The following EXTL3 variants were observed in gnomAD, a reference collection of about 807,000 sequenced individuals.
EXTL3 encodes exostosin-like 3.
EXTL3 carries 27 observed loss-of-function variants against 69.3 expected under a neutral mutation model. The ratio of observed to expected loss-of-function variants is 0.39; its 90% CI spans 0.29 to 0.54. The LOEUF is 0.54. Ranked by LOEUF, EXTL3 falls within the 20% of genes least tolerant of loss-of-function variation. EXTL3 has a pLI of 0.69. For missense variants in EXTL3, 1,003 were observed against 1,231.8 expected, an observed-to-expected ratio of 0.81 and a Z score of 2.78; for synonymous variants, 511 against 499.4, an observed-to-expected ratio of 1.02 and a Z score of -0.31.
intron 1 of EXTL3, among the ~76,000 whole-genome samples, chr8:28,636,090 G>A (rs1319478572): frequency 6.6e-5 from 10 of 152,182 alleles, no homozygotes; most frequent in African/African-American, 2.4e-4. Context: ...TCACACTTTG[G>A]GAGGCTGAGG....
chr8:28,670,375 G>A (rs1307475926), intron 1 of EXTL3, among the ~76,000 whole-genome samples: 1 of 152,132 alleles, frequency 6.6e-6, no homozygotes, highest in East Asian at 1.9e-4. Flanking sequence ...AACAGAGTAT[G>A]TGAGTGTATA....
At position 28,751,545 on chromosome 8, in the gene EXTL3, C is replaced by G. The variant is rs1802004262; in HGVS notation, c.*679C>G. 6.6e-6 allele frequency: 1 copy of G among 152,340 alleles called. No individual in the cohort carries two copies. The highest frequency in any genetic ancestry group is 6.5e-5 in the Admixed American group (1 of 15,292). 9.4% of individuals were successfully genotyped at this position (152,340 alleles called of 1,614,324 possible). ...TTGCCAGTCAGCAACCTGTAACTCA[C>G]ATTCTCTTCCCAGTGAATCCCTGGG... On this transcript the variant is annotated 3_prime_UTR_variant, in exon 7 of 7. Coordinates refer to ENST00000220562, the MANE Select transcript of EXTL3 (RefSeq NM_001440.4).
intron 1 of EXTL3, among the ~76,000 whole-genome samples, chr8:28,644,041 G>A (rs1351576773): frequency 6.6e-6 from 1 of 152,088 alleles, no homozygotes; most frequent in Non-Finnish European, 1.5e-5. Flanking sequence ...TGGGATTATG[G>A]GCATGAGTCA....
intron 1 of EXTL3, among the ~76,000 whole-genome samples, chr8:28,707,237 C>T (rs1172346659): frequency 2.0e-5 from 3 of 152,148 alleles, no homozygotes; most frequent in African/African-American, 4.8e-5. Context: ...GGTAGATAAG[C>T]AAGAAGCAGT....
intron 1 of EXTL3, among the ~76,000 whole-genome samples, chr8:28,670,867 T>A (rs2130640984): frequency 6.6e-6 from 1 of 152,252 alleles, no homozygotes; most frequent in Middle Eastern, 3.4e-3. Flanking sequence ...CTCCTCAATA[T>A]CATTTTGGTA....
In EXTL3 at chr8:28,683,098, T is replaced by C. The variant is rs193111251; in HGVS notation, c.-52-30359T>C. 2.0e-5 allele frequency among the ~76,000 whole-genome samples: 3 copies of C among 152,344 alleles called. No individual in the cohort carries two copies. In the East Asian group the frequency reaches 5.8e-4, roughly 29 times the overall value. ...TGTGTGGATTTATTTCTGGGCTCTC[T>C]ATTCTGTTCCATTGGTCTATGTGTC... On this transcript the variant is annotated intron_variant, in intron 1 of 6. Coordinates refer to the EXTL3 transcript ENST00000523149.
At chr8:28,650,945 G>A (rs150568405) in intron 1 of EXTL3, among the ~76,000 whole-genome samples, 1 of 152,128 alleles carries the variant, frequency 6.6e-6, no homozygotes, top group African/African-American at 2.4e-5. Context: ...AGCTTATCTA[G>A]TACAGGTTGA....
intron 1 of EXTL3, among the ~76,000 whole-genome samples, chr8:28,686,738 C>T (rs1228479340): frequency 6.6e-6 from 1 of 151,906 alleles, no homozygotes; most frequent in African/African-American, 2.4e-5. Flanking sequence ...CAAGATAGAC[C>T]AAGTAGGTAG....
At chr8:28,749,863 T>A (rs1013517848) in intron 6 of EXTL3, among the ~76,000 whole-genome samples, 1 of 152,142 alleles carries the variant, frequency 6.6e-6, no homozygotes, top group East Asian at 1.9e-4. Context: ...GCAGCTAATA[T>A]TTTTATCTCT....
chr8:28,700,132 C>T (rs1407958136), upstream of EXTL3: 1 of 152,182 alleles, frequency 6.6e-6, no homozygotes, highest in African/African-American at 2.4e-5. Flanking sequence ...TAAACTTTGC[C>T]TCCTCCTGTC....
chr8:28,671,992 C>T (rs960404221), intron 1 of EXTL3, among the ~76,000 whole-genome samples: 1 of 152,216 alleles, frequency 6.6e-6, no homozygotes, highest in Non-Finnish European at 1.5e-5. Context: ...AAAACAAAAA[C>T]TTATGTTCCT....
intron 1 of EXTL3, among the ~76,000 whole-genome samples, chr8:28,647,346 C>T (rs1374569922): frequency 6.6e-6 from 1 of 152,132 alleles, no homozygotes; most frequent in East Asian, 1.9e-4. Context: ...CTCAGGTGAT[C>T]CACCTGCCTC....
chr8:28,679,986 G>A (rs1216358755), intron 1 of EXTL3, among the ~76,000 whole-genome samples: 3 of 151,232 alleles, frequency 2.0e-5, no homozygotes, highest in Non-Finnish European at 1.5e-5. Flanking sequence ...ATTTACAGCA[G>A]CTTAAACCAA....
intron 1 of EXTL3, among the ~76,000 whole-genome samples, chr8:28,650,573 G>T (rs1271241571): frequency 6.6e-6 from 1 of 152,012 alleles, no homozygotes; most frequent in Non-Finnish European, 1.5e-5. Context: ...GGGCCAGGCT[G>T]GTCCCAAACT....
At chr8:28,725,611 A>G (rs1801395929) in intron 3 of EXTL3, among the ~76,000 whole-genome samples, 2 of 152,202 alleles carry the variant, frequency 1.3e-5, no homozygotes, top group South Asian at 4.1e-4. Flanking sequence ...CATTTGTTGA[A>G]CATCTGCTAT....
At chr8:28,718,501 A>G (rs1163134062) in intron 3 of EXTL3, among the ~76,000 whole-genome samples, 3 of 152,220 alleles carry the variant, frequency 2.0e-5, no homozygotes, top group African/African-American at 7.2e-5. Context: ...CTTCCATGTC[A>G]TAACAAGATG....
rs373547841 is a variant in EXTL3 at position 28,736,192 on chromosome 8, T to TA, written c.2277-1320dup. The stretch of plus-strand genomic sequence containing the variant: ...CACAATTTAAAAAAAATCAGTTGTC[T>TA]AAAAAAACCCACCTAGAAGGCTGTT... On this transcript the variant is annotated intron_variant, in intron 4 of 6. Coordinates refer to ENST00000220562, the MANE Select transcript of EXTL3 (RefSeq NM_001440.4). Among the ~76,000 whole-genome samples, 252 of 152,290 alleles carry TA rather than the reference T, an allele frequency of 1.7e-3. 3 individuals carry two copies. Among genetic ancestry groups the TA allele is most frequent in the Non-Finnish European group, 3.0e-3 (207 of 68,010 alleles).
Position 28,716,966 on chromosome 8 carries a change from T to A in EXTL3, c.907T>A (p.Phe303Ile). 6.2e-7 allele frequency: 1 copy of A among 1,614,228 alleles called. No homozygotes were observed. The highest frequency in any genetic ancestry group is 2.2e-5 in the East Asian group (1 of 44,888). The change falls in exon 3 of 7, where the codon TTC becomes ATC. Residue 303 changes from phenylalanine to isoleucine, a missense_variant. Transcript: ENST00000220562. The surrounding 1 kb of genome is among the most constrained non-coding windows in gnomAD (Gnocchi z 7.1). ...CCGTGCCATGGTGGCCCAGTCCACC[T>A]TCTACACTGTCCAGTACAGACCTGG... ...TGRAMVAQST[F>I]YTVQYRPGFD...
At chr8:28,664,761 C>G (rs1807167990) in intron 1 of EXTL3, among the ~76,000 whole-genome samples, 5 of 151,994 alleles carry the variant, frequency 3.3e-5, no homozygotes, top group Admixed American at 1.3e-4. Flanking sequence ...TATACATCTC[C>G]CCCCGGAAGC....
Sources: allele counts gnomAD v4.1 joint callset (sites outside exome capture counted in the v4.1 genomes callset), GRCh38; gene constraint gnomAD v4.1.1; non-coding constraint Gnocchi (gnomAD v3.1); transcripts MANE v1.5; gene names NCBI Gene and HGNC (gene_info 2026-07-23, HGNC 2026-07-21).